KCNMA1: variants seen among roughly 807,000 people sequenced by gnomAD.
The protein encoded by KCNMA1 is potassium calcium-activated channel subfamily M alpha 1, also known as Calcium-activated potassium channel subunit alpha-1.
Under a neutral mutation model 140.0 loss-of-function variants are expected in KCNMA1, and 29 were observed. The observed-to-expected ratio is 0.21, with a 90% confidence interval of 0.15 to 0.28. The LOEUF is 0.28. Ranked by LOEUF, KCNMA1 falls within the 10% of genes least tolerant of loss-of-function variation. The pLI is 1.00. For missense variants in KCNMA1, 880 were observed against 1,602.2 expected (o/e 0.55, Z 7.70); for synonymous variants, 612 against 611.9 (o/e 1.00, Z 0.00).
intron 14 of KCNMA1, among the ~76,000 whole-genome samples, chr10:77,067,756 T>A (rs1444591934): frequency 6.6e-6 from 1 of 152,180 alleles, no homozygotes; most frequent in African/African-American, 2.4e-5. Context: ...TTTGCAGAGC[T>A]GGGCAGACAG....
At chr10:77,416,513 T>C (rs967519686) in intron 1 of KCNMA1, among the ~76,000 whole-genome samples, 23 of 152,216 alleles carry the variant, frequency 1.5e-4, no homozygotes, top group African/African-American at 5.1e-4. Flanking sequence ...CAACCACAGA[T>C]AGCAGATAGG....
intron 22 of KCNMA1, among the ~76,000 whole-genome samples, chr10:76,947,568 T>C (rs942161607): frequency 6.6e-6 from 1 of 152,104 alleles, no homozygotes; most frequent in Non-Finnish European, 1.5e-5. Flanking sequence ...AAGATAACCA[T>C]GGAATCATAT....
chr10:77,157,879 C>T (rs189277542), intron 5 of KCNMA1, among the ~76,000 whole-genome samples: 49 of 152,292 alleles, frequency 3.2e-4, no homozygotes, highest in Admixed American at 2.7e-3. Context: ...TGGTCACCTG[C>T]GCCACCAACA....
intron 1 of KCNMA1, among the ~76,000 whole-genome samples, chr10:77,437,031 G>C (rs1366523807): frequency 6.6e-6 from 1 of 151,422 alleles, no homozygotes; most frequent in Non-Finnish European, 1.5e-5. Context: ...TTAGTGGAGG[G>C]AAAAGAGAGC....
At position 77,478,853 on chromosome 10, in the gene KCNMA1, G is replaced by A. The variant is rs928106927; in HGVS notation, c.379-74830C>T. Among the ~76,000 whole-genome samples the A allele has an allele frequency of 2.6e-5, 4 of 152,298 alleles. No individual in the cohort carries two copies. In the South Asian group the frequency reaches 8.3e-4, roughly 32 times the overall value. On this transcript the variant is annotated intron_variant, in intron 1 of 27. Transcript: ENST00000286628. ...AGTAAAGAGCAAATATAAGGAAAAG[G>A]AGTGAGCATCCATATAAGATATAGT...
At chr10:77,450,586 T>TATTATC (rs1160472031) in intron 1 of KCNMA1, among the ~76,000 whole-genome samples, 1 of 152,206 alleles carries the variant, frequency 6.6e-6, no homozygotes, top group Non-Finnish European at 1.5e-5. Flanking sequence ...AGCATAATTT[T>TATTATC]ATTATCATAA....
At chr10:77,083,837 T>C (rs1041890215) in intron 12 of KCNMA1, among the ~76,000 whole-genome samples, 1 of 99,530 alleles carries the variant, frequency 1.0e-5, no homozygotes, top group Non-Finnish European at 1.8e-5. Flanking sequence ...TCTGTCTCTA[T>C]GAAAAAAAAC....
intron 1 of KCNMA1, among the ~76,000 whole-genome samples, chr10:77,418,691 C>T (rs1417519892): frequency 1.3e-5 from 2 of 152,182 alleles, no homozygotes; most frequent in East Asian, 1.9e-4. Flanking sequence ...AAGGACTTGC[C>T]CACACACTTG....
intron 1 of KCNMA1, among the ~76,000 whole-genome samples, chr10:77,436,957 TACACACACACACAC>T (rs10536103): frequency 7.4e-5 from 10 of 134,846 alleles, no homozygotes; most frequent in South Asian, 5.2e-4. Flanking sequence ...CTTCTTTCTT[TACACACACACACAC>T]ACACACACAC....
intron 18 of KCNMA1, among the ~76,000 whole-genome samples, chr10:77,003,301 C>G (rs2087124207): frequency 1.7e-5 from 2 of 118,554 alleles, no homozygotes; most frequent in African/African-American, 6.1e-5. Flanking sequence ...TGAGCTTTAG[C>G]TTTTACCAAA....
At chr10:77,425,139 G>A (rs2096955301) in intron 1 of KCNMA1, among the ~76,000 whole-genome samples, 1 of 152,084 alleles carries the variant, frequency 6.6e-6, no homozygotes, top group African/African-American at 2.4e-5. Flanking sequence ...ATGGATGGAT[G>A]GATGGATGGA....
chr10:77,467,606 G>A (rs551738650), intron 1 of KCNMA1, among the ~76,000 whole-genome samples: 41 of 152,296 alleles, frequency 2.7e-4, no homozygotes, highest in African/African-American at 9.9e-4. Context: ...TTCCACCAGC[G>A]CCTGCATTTG....
chr10:77,249,799 C>T (rs2059347668), intron 3 of KCNMA1: 1 of 152,160 alleles, frequency 6.6e-6, no homozygotes, highest in Admixed American at 6.6e-5. Flanking sequence ...AATGACATGC[C>T]AATGGGAGTC....
intron 1 of KCNMA1, among the ~76,000 whole-genome samples, chr10:77,502,148 G>A (rs546141777): frequency 6.6e-6 from 1 of 152,170 alleles, no homozygotes; most frequent in Non-Finnish European, 1.5e-5. Flanking sequence ...ACATTGGGTT[G>A]CCATGAAACC....
intron 2 of KCNMA1, among the ~76,000 whole-genome samples, chr10:77,392,741 C>T (rs368210422): frequency 6.6e-6 from 1 of 152,230 alleles, no homozygotes; most frequent in Non-Finnish European, 1.5e-5. Flanking sequence ...ACCTCACACG[C>T]TTTCCCATCT....
At chr10:77,517,485 A>G (rs1002025715) in intron 1 of KCNMA1, among the ~76,000 whole-genome samples, 1 of 152,212 alleles carries the variant, frequency 6.6e-6, no homozygotes. Context: ...TACCAGCTCC[A>G]TGGTTAATGA....
At chr10:76,873,568 G>A (rs1346973404), downstream of KCNMA1, 1 of 152,178 alleles carries the variant, frequency 6.6e-6, no homozygotes, top group Non-Finnish European at 1.5e-5. Flanking sequence ...AAGGCTCATG[G>A]TGACTGGTGG....
At chr10:77,473,265 G>C (rs946746629) in intron 1 of KCNMA1, among the ~76,000 whole-genome samples, 1 of 152,246 alleles carries the variant, frequency 6.6e-6, no homozygotes, top group Non-Finnish European at 1.5e-5. Flanking sequence ...GCTATCCCCA[G>C]GAGGCAGGCA....
chr10:77,108,009 G>T lies in KCNMA1; in HGVS notation c.1223+472C>A, dbSNP rs558364048. 2.0e-5 allele frequency among the ~76,000 whole-genome samples: 3 copies of T among 152,274 alleles called. No homozygotes were observed. The East Asian group carries it at 5.8e-4, about 29-fold the overall frequency. ...GATGATGGAAGAATGAACGAGTTTT[G>T]TTTACTTGTTAGGGGTCAGAAGAGA... On this transcript the variant is annotated intron_variant, in intron 9 of 27. Coordinates refer to ENST00000286628, the MANE Select transcript of KCNMA1 (RefSeq NM_001161352.2). This position sits in a 1 kb window ranked among gnomAD's most constrained non-coding sequence, Gnocchi z 4.6.
Sources: allele counts gnomAD v4.1 joint callset (sites outside exome capture counted in the v4.1 genomes callset), GRCh38; gene constraint gnomAD v4.1.1; non-coding constraint Gnocchi (gnomAD v3.1); transcripts MANE v1.5; gene names NCBI Gene and HGNC (gene_info 2026-07-23, HGNC 2026-07-21).